Variants in TP63 observed in about 807,000 individuals in gnomAD.
TP63 encodes tumor protein p63.
Under a neutral mutation model 82.8 loss-of-function variants are expected in TP63, and 17 were observed. That is an observed-to-expected ratio of 0.21 (90% CI 0.14 to 0.31). The LOEUF (loss-of-function observed/expected upper bound fraction) is 0.31, where lower values mean the gene tolerates loss of function less well. Ranked by LOEUF, TP63 falls within the 10% of genes least tolerant of loss-of-function variation. The probability of loss-of-function intolerance (pLI) is 1.00; values close to 1 mark genes in which losing one functional copy is unlikely to be tolerated. For missense variants in TP63, 648 were observed against 895.3 expected (o/e 0.72, Z 3.52); for synonymous variants, 330 against 321.7 (o/e 1.03, Z -0.28).
intron 4 of TP63, among the ~76,000 whole-genome samples, chr3:189,851,640 A>T (rs561410608): frequency 4.6e-5 from 7 of 152,256 alleles, no homozygotes; most frequent in Admixed American, 4.6e-4. Flanking sequence ...GGACACTTTT[A>T]TAAGGTAAGG....
In TP63 at chr3:189,875,606, A is replaced by T. The variant is rs1159239013; in HGVS notation, c.1349+2611A>T. On this transcript the variant is annotated intron_variant, in intron 10 of 13. Transcript: ENST00000264731. ...AAAAAATACATACATATATATATAT[A>T]TATATATATATATATATATATATAT... is the stretch of plus-strand genomic sequence containing the variant. Among the ~76,000 whole-genome samples, 2 of 62,016 alleles carry T rather than the reference A, an allele frequency of 3.2e-5. 1 individual carries two copies. Among genetic ancestry groups the T allele is most frequent in the African/African-American group, 1.2e-4 (2 of 16,870 alleles). The allele number at this position is 62,016 out of a possible 152,430, so 40.7% of individuals were successfully genotyped here.
chr3:189,809,234 G>C (rs1365530806), intron 4 of TP63, among the ~76,000 whole-genome samples: 1 of 151,986 alleles, frequency 6.6e-6, no homozygotes, highest in East Asian at 1.9e-4. Flanking sequence ...CTGCATATAA[G>C]TTTTCTAAGG....
At chr3:189,824,427 T>C (rs1182702427) in intron 4 of TP63, among the ~76,000 whole-genome samples, 3 of 151,936 alleles carry the variant, frequency 2.0e-5, no homozygotes, top group African/African-American at 7.3e-5. Flanking sequence ...GAGTTGGGGT[T>C]TCACCATGTT....
chr3:189,890,731 A>G (rs1376754699), intron 12 of TP63, 58 bp from the exon 13 acceptor site: 5 of 1,519,902 alleles, frequency 3.3e-6, no homozygotes, highest in Non-Finnish European at 4.6e-6. Context: ...TCGCCAATGC[A>G]GTTGGGGTGA....
At chr3:189,682,550 AAAAATATAT>A (rs1380050221) in intron 1 of TP63, among the ~76,000 whole-genome samples, 13 of 45,192 alleles carry the variant, frequency 2.9e-4, no homozygotes, top group East Asian at 9.3e-4. Flanking sequence ...AAAAAAAAAA[AAAAATATAT>A]ATATATATAT....
At chr3:189,641,200 ATACT>A (rs1711839162) in intron 1 of TP63, among the ~76,000 whole-genome samples, 2 of 152,130 alleles carry the variant, frequency 1.3e-5, no homozygotes, top group Admixed American at 6.6e-5. Context: ...TATTTATTAA[ATACT>A]TGATACTGGA....
At position 189,856,583 on chromosome 3, in the gene TP63, T is replaced by C. The variant is rs1260820965; in HGVS notation, c.580-7649T>C. On this transcript the variant is annotated intron_variant, in intron 4 of 13. Coordinates refer to ENST00000264731, the MANE Select transcript of TP63 (RefSeq NM_003722.5). ...AAAGGAAGAAGTAAAACTGTCCCTG[T>C]TCATAGTTGACATGATCATCTATGT... is the stretch of plus-strand genomic sequence containing the variant. Among the ~76,000 whole-genome samples the C allele has an allele frequency of 2.6e-5, 4 of 152,028 alleles. No homozygotes were observed. The East Asian group carries it at 5.8e-4, about 22-fold the overall frequency.
At chr3:189,637,408 C>A (rs1729852038) in intron 1 of TP63, among the ~76,000 whole-genome samples, 1 of 152,138 alleles carries the variant, frequency 6.6e-6, no homozygotes, top group South Asian at 2.1e-4. Context: ...AAGCATACCT[C>A]AAGTTCCACT....
At chr3:189,832,827 A>G (rs911438208) in intron 4 of TP63, among the ~76,000 whole-genome samples, 1 of 152,200 alleles carries the variant, frequency 6.6e-6, no homozygotes, top group African/African-American at 2.4e-5. Flanking sequence ...ACCTGACAAC[A>G]CCTGTCACCT....
rs867519345 is a variant in TP63, at chr3:189,812,392, G to A, written c.579+3866G>A. Reference sequence around the variant, plus strand: ...ACACATACATACACGACAAACCAACGTTTACTTTAGTTTCAGATTTTCTTA... The same window carrying A: ...ACACATACATACACGACAAACCAACATTTACTTTAGTTTCAGATTTTCTTA... On this transcript the variant is annotated intron_variant, in intron 4 of 13. Transcript: ENST00000264731. Among the ~76,000 whole-genome samples, 9 of 152,018 alleles carry A rather than the reference G, an allele frequency of 5.9e-5. No homozygotes were observed. The South Asian group carries it at 8.3e-4, about 14-fold the overall frequency.
At chr3:189,618,941 C>T in the TP63 span, among the ~76,000 whole-genome samples, 2 of 152,162 alleles carry the variant, frequency 1.3e-5, no homozygotes, top group Non-Finnish European at 2.9e-5. Flanking sequence ...TAGCTGTGAG[C>T]TTGCCCTATG....
chr3:189,671,736 A>G (rs1244013986), intron 1 of TP63, among the ~76,000 whole-genome samples: 1 of 152,160 alleles, frequency 6.6e-6, no homozygotes. Flanking sequence ...GGTCATTCAC[A>G]GCAACATGGA....
At chr3:189,885,929 T>C (rs1442975438) in intron 10 of TP63, among the ~76,000 whole-genome samples, 1 of 152,238 alleles carries the variant, frequency 6.6e-6, no homozygotes, top group African/African-American at 2.4e-5. Context: ...ATTTTCTGCA[T>C]ATCCCAAATG....
At chr3:189,602,652 T>C in the TP63 span, among the ~76,000 whole-genome samples, 1 of 152,184 alleles carries the variant, frequency 6.6e-6, no homozygotes, top group Non-Finnish European at 1.5e-5. Flanking sequence ...CAAGTATTAA[T>C]TCTCTTTGCA....
intron 1 of TP63, among the ~76,000 whole-genome samples, chr3:189,710,693 C>T (rs1718529245): frequency 1.3e-5 from 2 of 151,892 alleles, no homozygotes; most frequent in Non-Finnish European, 2.9e-5. Flanking sequence ...TTGGAGAGTG[C>T]CTGAAGGTTG....
intron 1 of TP63, among the ~76,000 whole-genome samples, chr3:189,728,172 TA>T (rs112123067): frequency 0.028 from 4,008 of 142,772 alleles, 80 homozygotes; most frequent in African/African-American, 0.061. Flanking sequence ...GTTTCGTTTA[TA>T]AAAAAAAAAA....
intron 3 of TP63, among the ~76,000 whole-genome samples, chr3:189,792,671 A>C (rs1725273678): frequency 6.6e-6 from 1 of 152,024 alleles, no homozygotes; most frequent in African/African-American, 2.4e-5. Flanking sequence ...TAGTTGAGAG[A>C]GCTATATGTA....
rs1205577938 is a variant in TP63, at chr3:189,886,526, C to G, written c.1482C>G (p.Thr494=). 2 of 1,613,996 alleles carry G rather than the reference C, an allele frequency of 1.2e-6. No homozygotes were observed. The highest frequency in any genetic ancestry group is 1.7e-6 in the Non-Finnish European group (2 of 1,180,012). The change falls in exon 11 of 14, where the codon ACC becomes ACG. Residue 494 remains threonine, a synonymous_variant. Transcript: ENST00000264731. ...PQQRNALTPT[T]IPDGMGANIP... Reference sequence around the variant, plus strand: ...AGCGCAACGCCCTCACTCCTACAACCATTCCTGATGGCATGGGAGCCAACA... The same window carrying G: ...AGCGCAACGCCCTCACTCCTACAACGATTCCTGATGGCATGGGAGCCAACA...
intron 1 of TP63, among the ~76,000 whole-genome samples, chr3:189,734,334 G>A (rs949010985): frequency 6.6e-6 from 1 of 151,884 alleles, no homozygotes; most frequent in East Asian, 1.9e-4. Context: ...GCCAAGCCCA[G>A]CTAATTTTTG....
Sources: allele counts gnomAD v4.1 joint callset (sites outside exome capture counted in the v4.1 genomes callset), GRCh38; gene constraint gnomAD v4.1.1; transcripts MANE v1.5; gene names NCBI Gene and HGNC (gene_info 2026-07-23, HGNC 2026-07-21).